The following DCUN1D4 variants were observed in gnomAD, a reference collection of about 807,000 sequenced individuals.
The protein encoded by DCUN1D4 is defective in cullin neddylation 1 domain containing 4.
DCUN1D4 carries 22 observed loss-of-function variants against 47.9 expected under a neutral mutation model. That is an observed-to-expected ratio of 0.46 (90% CI 0.33 to 0.66). DCUN1D4 has a LOEUF of 0.66. Ranked by LOEUF, DCUN1D4 falls within the 30% of genes least tolerant of loss-of-function variation. The pLI is 0.02. For synonymous variants in DCUN1D4, 121 were observed against 112.2 expected, an observed-to-expected ratio of 1.08 and a Z score of -0.50; for missense variants, 301 against 340.8, an observed-to-expected ratio of 0.88 and a Z score of 0.92.
chr4:51,883,018 C>G (rs1450453286), intron 5 of DCUN1D4, among the ~76,000 whole-genome samples: 1 of 152,072 alleles, frequency 6.6e-6, no homozygotes, highest in East Asian at 1.9e-4. Flanking sequence ...GTCTCACAGC[C>G]TAAATACTTT....
At chr4:51,902,801 CT>C (rs950050447) in intron 8 of DCUN1D4, among the ~76,000 whole-genome samples, 16 of 151,928 alleles carry the variant, frequency 1.1e-4, no homozygotes, top group East Asian at 9.6e-4. Flanking sequence ...TTTTTTGTTC[CT>C]TTTTTCCTCT....
chr4:51,864,662 CCCTCAGG>C (rs924244072), intron 3 of DCUN1D4, among the ~76,000 whole-genome samples: 2 of 152,122 alleles, frequency 1.3e-5, no homozygotes, highest in African/African-American at 4.8e-5. Flanking sequence ...GCAGGCAGCT[CCCTCAGG>C]CCTCTTTTAT....
chr4:51,843,150 C>G (rs951784155), upstream of DCUN1D4: 7 of 1,511,926 alleles, frequency 4.6e-6, no homozygotes, highest in South Asian at 8.7e-5. Context: ...GCGGCGGGTC[C>G]TCAGCTTCGA....
chr4:51,893,164 A>G (rs1012609691), intron 7 of DCUN1D4, among the ~76,000 whole-genome samples: 1 of 152,166 alleles, frequency 6.6e-6, no homozygotes, highest in African/African-American at 2.4e-5. Context: ...AACACTTAAG[A>G]CTTCTGATTC....
intron 8 of DCUN1D4, chr4:51,905,182 T>A (rs1269822008): frequency 1.3e-5 from 6 of 454,460 alleles, no homozygotes; most frequent in Non-Finnish European, 2.7e-5. Flanking sequence ...CTTGAACTTA[T>A]TTATAGTTCT....
At chr4:51,836,188 T>G in the DCUN1D4 span, among the ~76,000 whole-genome samples, 1 of 152,180 alleles carries the variant, frequency 6.6e-6, no homozygotes, top group Non-Finnish European at 1.5e-5. Flanking sequence ...ATGTTTAATC[T>G]AGGAATTCTT....
At chr4:51,840,176 C>A (rs1721594945), upstream of DCUN1D4, among the ~76,000 whole-genome samples, 1 of 151,474 alleles carries the variant, frequency 6.6e-6, no homozygotes, top group Non-Finnish European at 1.5e-5. Context: ...TCCAGGGATT[C>A]AAATATAAAT....
intron 3 of DCUN1D4, among the ~76,000 whole-genome samples, chr4:51,864,455 T>A (rs1283166534): frequency 1.3e-5 from 2 of 152,210 alleles, no homozygotes; most frequent in African/African-American, 4.8e-5. Flanking sequence ...ATAGACGAAT[T>A]GAAATTTGTC....
Position 51,864,451 on chromosome 4 carries a change from G to T in DCUN1D4, c.136+742G>T, listed in dbSNP as rs139644739. On this transcript the variant is annotated intron_variant, in intron 3 of 10. Coordinates refer to ENST00000334635, the MANE Select transcript of DCUN1D4 (RefSeq NM_001040402.3). ...TTTGAAAATGGCCATAGTAATAGAC[G>T]AATTGAAATTTGTCTTAGTCTGGGC... 1.5e-3 allele frequency among the ~76,000 whole-genome samples: 222 copies of T among 152,264 alleles called. 1 individual carries two copies. Among genetic ancestry groups the T allele is most frequent in the Non-Finnish European group, 2.6e-3 (180 of 68,022 alleles).
chr4:51,840,745 T>C (rs1400230304), upstream of DCUN1D4, among the ~76,000 whole-genome samples: 1 of 152,194 alleles, frequency 6.6e-6, no homozygotes. Flanking sequence ...GTTTATATGG[T>C]GTGGATTATT....
intron 8 of DCUN1D4, chr4:51,905,302 A>G: frequency 4.6e-6 from 2 of 438,248 alleles, no homozygotes; most frequent in African/African-American, 2.0e-5. Context: ...CAGGGCCCGC[A>G]TCTGCCCTTG....
intron 1 of DCUN1D4, among the ~76,000 whole-genome samples, chr4:51,854,947 A>G (rs1207457047): frequency 2.0e-5 from 3 of 152,192 alleles, no homozygotes; most frequent in Non-Finnish European, 2.9e-5. Flanking sequence ...GCTGGTGAGT[A>G]TAATACAAAC....
At chr4:51,868,043 A>G (rs932994934) in intron 3 of DCUN1D4, among the ~76,000 whole-genome samples, 3 of 152,232 alleles carry the variant, frequency 2.0e-5, no homozygotes, top group Non-Finnish European at 4.4e-5. Context: ...TGCCCCAAGC[A>G]TGTGCACACC....
At chr4:51,888,739 A>T (rs951893714) in intron 6 of DCUN1D4, among the ~76,000 whole-genome samples, 2 of 151,908 alleles carry the variant, frequency 1.3e-5, no homozygotes, top group Non-Finnish European at 2.9e-5. Context: ...AAAAAAAAAA[A>T]AAAACTCCAT....
intron 1 of DCUN1D4, among the ~76,000 whole-genome samples, chr4:51,846,006 A>T (rs779517441): frequency 1.3e-5 from 2 of 152,224 alleles, no homozygotes; most frequent in Admixed American, 6.5e-5. Context: ...GGGTAAAGTG[A>T]TGAGGTTGAA....
intron 9 of DCUN1D4, among the ~76,000 whole-genome samples, chr4:51,912,632 G>A (rs924136775): frequency 6.6e-6 from 1 of 152,270 alleles, no homozygotes; most frequent in Non-Finnish European, 1.5e-5. Flanking sequence ...ATAGACACAT[G>A]GCAAATTTCT....
intron 3 of DCUN1D4, among the ~76,000 whole-genome samples, chr4:51,870,673 C>T (rs1577920700): frequency 6.6e-6 from 1 of 152,162 alleles, no homozygotes; most frequent in Non-Finnish European, 1.5e-5. Context: ...AACAGGACCC[C>T]GCAAAGCAGT....
rs374696322 is a variant in DCUN1D4, at chr4:51,913,523, C to T, written c.824-6C>T. 8 of 1,611,990 alleles carry T rather than the reference C, an allele frequency of 5.0e-6. No individual in the cohort carries two copies. The highest frequency in any genetic ancestry group is 2.7e-5 in the African/African-American group (2 of 74,808). On this transcript the variant is annotated splice_region_variant and splice_polypyrimidine_tract_variant and intron_variant, in intron 10 of 10. Coordinates refer to ENST00000334635, the MANE Select transcript of DCUN1D4 (RefSeq NM_001040402.3). ...TTATTACTACTGTTTCTCTCTTTCTCTCCAGGGCCAGTTTTGTTGGACGAG... is the reference window on the plus strand; with the variant it reads ...TTATTACTACTGTTTCTCTCTTTCTTTCCAGGGCCAGTTTTGTTGGACGAG...
intron 8 of DCUN1D4, among the ~76,000 whole-genome samples, chr4:51,900,378 A>G (rs939006633): frequency 3.9e-5 from 6 of 152,006 alleles, no homozygotes; most frequent in South Asian, 2.1e-4. Context: ...GATGTTAAAA[A>G]CGATAAGGTG....
Sources: allele counts gnomAD v4.1 joint callset (sites outside exome capture counted in the v4.1 genomes callset), GRCh38; gene constraint gnomAD v4.1.1; transcripts MANE v1.5; gene names NCBI Gene and HGNC (gene_info 2026-07-23, HGNC 2026-07-21).